Variants in TAS2R1 observed in about 807,000 individuals in gnomAD.
The protein encoded by TAS2R1 is taste receptor type 2 member 1.
For missense variants in TAS2R1, 370 were observed against 353.4 expected (o/e 1.05, Z -0.38); for synonymous variants, 141 against 134.2 (o/e 1.05, Z -0.35).
the TAS2R1 span, among the ~76,000 whole-genome samples, chr5:9,742,495 A>G: frequency 6.6e-6 from 1 of 152,226 alleles, no homozygotes; most frequent in Non-Finnish European, 1.5e-5. Flanking sequence ...CAGAAGAAAC[A>G]CCAAGTTTTT....
At chr5:9,690,573 C>T (rs74842945) in intron 1 of TAS2R1, among the ~76,000 whole-genome samples, 4,774 of 152,014 alleles carry the variant, frequency 0.031, 94 homozygotes, top group African/African-American at 0.057. Flanking sequence ...AATGAGGAAT[C>T]GTTGTCAGCC....
At chr5:9,795,015 A>C in the TAS2R1 span, among the ~76,000 whole-genome samples, 2 of 152,220 alleles carry the variant, frequency 1.3e-5, no homozygotes, top group Admixed American at 1.3e-4. Context: ...TGGTGATCAG[A>C]TCAGGGTAAC....
the TAS2R1 span, among the ~76,000 whole-genome samples, chr5:9,827,797 T>A: frequency 6.6e-6 from 1 of 152,104 alleles, no homozygotes; most frequent in African/African-American, 2.4e-5. Context: ...TCTAAATAAA[T>A]AAAATACAAA....
At chr5:9,701,907 A>T (rs1741491704) in intron 1 of TAS2R1, among the ~76,000 whole-genome samples, 1 of 152,234 alleles carries the variant, frequency 6.6e-6, no homozygotes. Flanking sequence ...TTCTTAATTT[A>T]ATATAAAGTT....
chr5:9,843,860 T>C, the TAS2R1 span, among the ~76,000 whole-genome samples: 11 of 152,174 alleles, frequency 7.2e-5, no homozygotes, highest in Admixed American at 6.5e-4. Flanking sequence ...TGTGGAAGAA[T>C]CCTTTTCCAA....
chr5:9,752,257 C>T, the TAS2R1 span, among the ~76,000 whole-genome samples: 1 of 152,176 alleles, frequency 6.6e-6, no homozygotes, highest in African/African-American at 2.4e-5. Context: ...CTTATAAGAA[C>T]TTGTGAGTAT....
chr5:9,782,438 G>A, the TAS2R1 span, among the ~76,000 whole-genome samples: 1 of 151,526 alleles, frequency 6.6e-6, no homozygotes, highest in South Asian at 2.1e-4. Flanking sequence ...ATTTCCCCTG[G>A]GTGGGCATCC....
At chr5:9,873,108 AT>A in the TAS2R1 span, among the ~76,000 whole-genome samples, 1 of 152,206 alleles carries the variant, frequency 6.6e-6, no homozygotes, top group Non-Finnish European at 1.5e-5. Flanking sequence ...AAGAGGCTAA[AT>A]AACATGTCCT....
the TAS2R1 span, among the ~76,000 whole-genome samples, chr5:9,767,226 T>A: frequency 6.6e-6 from 1 of 151,886 alleles, no homozygotes; most frequent in Non-Finnish European, 1.5e-5. Flanking sequence ...ATCCCACGCA[T>A]CATCCAGGCC....
chr5:9,876,971 C>T, the TAS2R1 span, among the ~76,000 whole-genome samples: 1 of 152,158 alleles, frequency 6.6e-6, no homozygotes, highest in Non-Finnish European at 1.5e-5. Context: ...CAGGTTGCTC[C>T]CCAAAGTGTC....
At chr5:9,702,663 G>A (rs1741515456) in intron 1 of TAS2R1, among the ~76,000 whole-genome samples, 2 of 152,208 alleles carry the variant, frequency 1.3e-5, no homozygotes, top group South Asian at 4.1e-4. Flanking sequence ...AAATAGTTAA[G>A]TGATACAAAT....
chr5:9,651,533 A>AT (rs1173711667), intron 2 of TAS2R1, among the ~76,000 whole-genome samples: 1 of 152,176 alleles, frequency 6.6e-6, no homozygotes, highest in Non-Finnish European at 1.5e-5. Flanking sequence ...ATTCCCAAAG[A>AT]TTTTTTTCAT....
At chr5:9,652,934 G>A (rs1164653587) in intron 2 of TAS2R1, among the ~76,000 whole-genome samples, 1 of 152,198 alleles carries the variant, frequency 6.6e-6, no homozygotes, top group Admixed American at 6.5e-5. Context: ...ACAATTCAGT[G>A]GCATTGGGTA....
At chr5:9,894,140 C>T in the TAS2R1 span, among the ~76,000 whole-genome samples, 5,183 of 152,158 alleles carry the variant, frequency 0.034, 287 homozygotes, top group African/African-American at 0.12. Context: ...TGGTGGCTCA[C>T]GCCTGTAATC....
chr5:9,671,779 G>T (rs1201608360), intron 1 of TAS2R1, among the ~76,000 whole-genome samples: 1 of 151,118 alleles, frequency 6.6e-6, no homozygotes, highest in Admixed American at 6.6e-5. Context: ...CACAAAACTA[G>T]AAAAAAAACT....
chr5:9,840,469 AT>A, the TAS2R1 span, among the ~76,000 whole-genome samples: 5 of 152,188 alleles, frequency 3.3e-5, no homozygotes, highest in African/African-American at 1.2e-4. Context: ...AGATTAGGGC[AT>A]GCACTCTTCT....
At chr5:9,698,818 A>C (rs886760327) in intron 1 of TAS2R1, among the ~76,000 whole-genome samples, 3 of 152,238 alleles carry the variant, frequency 2.0e-5, no homozygotes, top group African/African-American at 7.2e-5. Flanking sequence ...AAACTTCACG[A>C]AAGAATATTA....
the TAS2R1 span, among the ~76,000 whole-genome samples, chr5:9,899,966 T>C: frequency 6.6e-6 from 1 of 152,158 alleles, no homozygotes; most frequent in South Asian, 2.1e-4. Context: ...AGCTGAATCA[T>C]ACAATATTTG....
At chr5:9,675,507 C>T (rs947014459) in intron 1 of TAS2R1, among the ~76,000 whole-genome samples, 3 of 150,676 alleles carry the variant, frequency 2.0e-5, no homozygotes, top group South Asian at 2.1e-4. Context: ...ACCTCCACCT[C>T]CTGGGTTCAA....
Sources: allele counts gnomAD v4.1 joint callset (sites outside exome capture counted in the v4.1 genomes callset), GRCh38; gene constraint gnomAD v4.1.1; transcripts MANE v1.5; gene names NCBI Gene and HGNC (gene_info 2026-07-23, HGNC 2026-07-21).